Variants in ADAMTS12 observed in about 807,000 individuals in gnomAD.
ADAMTS12 encodes A disintegrin and metalloproteinase with thrombospondin motifs 12.
A neutral mutation model predicts 167.8 loss-of-function variants in ADAMTS12; 118 were observed. The observed-to-expected ratio is 0.70, with a 90% CI of 0.61 to 0.82. The LOEUF is 0.82. ADAMTS12 is among the 40% of genes least tolerant of loss of function. The probability of loss-of-function intolerance (pLI) is 0.00; values close to 1 mark genes in which losing one functional copy is unlikely to be tolerated. For missense variants in ADAMTS12, 1,916 were observed against 1,998.8 expected, an observed-to-expected ratio of 0.96 and a Z score of 0.79; for synonymous variants, 704 against 716.9, an observed-to-expected ratio of 0.98 and a Z score of 0.29.
intron 5 of ADAMTS12, among the ~76,000 whole-genome samples, chr5:33,679,547 A>G (rs1402024954): frequency 6.6e-6 from 1 of 152,168 alleles, no homozygotes; most frequent in East Asian, 1.9e-4. Context: ...CATGGGGGAA[A>G]CCACCTCCAT....
chr5:33,546,264 G>A, intron 21 of ADAMTS12, 62 bp from the exon 22 acceptor site: 2 of 1,487,498 alleles, frequency 1.3e-6, no homozygotes, highest in Non-Finnish European at 1.8e-6. Flanking sequence ...AATGATAAGT[G>A]AAGAACTTCG....
chr5:33,767,272 T>C (rs1745568694), intron 2 of ADAMTS12, among the ~76,000 whole-genome samples: 1 of 152,216 alleles, frequency 6.6e-6, no homozygotes, highest in Admixed American at 6.5e-5. Flanking sequence ...TCCTGAATGG[T>C]TGGATAACGG....
intron 8 of ADAMTS12, 89 bp downstream of exon 8, chr5:33,649,465 T>A: frequency 6.7e-7 from 1 of 1,492,634 alleles, no homozygotes; most frequent in Non-Finnish European, 9.1e-7. Context: ...TCCAGCCTTT[T>A]CCAGGCATCA....
chr5:33,882,849 C>T (rs1212717514), intron 1 of ADAMTS12, among the ~76,000 whole-genome samples: 2 of 152,120 alleles, frequency 1.3e-5, no homozygotes, highest in African/African-American at 4.8e-5. Flanking sequence ...CCTTGGCCTC[C>T]CAAAACTATT....
At chr5:33,720,284 T>TCACACTCACACACACA (rs1554037784) in intron 3 of ADAMTS12, among the ~76,000 whole-genome samples, 1 of 147,802 alleles carries the variant, frequency 6.8e-6, no homozygotes, top group African/African-American at 2.5e-5. Flanking sequence ...TCTCTCTCAC[T>TCACACTCACACACACA]CACACACACA....
chr5:33,686,116 C>G (rs1473978698), intron 3 of ADAMTS12, among the ~76,000 whole-genome samples: 1 of 152,198 alleles, frequency 6.6e-6, no homozygotes, highest in Non-Finnish European at 1.5e-5. Flanking sequence ...CAGGAGGCTG[C>G]TCCATGCCGC....
chr5:33,673,415 T>C (rs766826619), intron 5 of ADAMTS12, among the ~76,000 whole-genome samples: 13 of 152,180 alleles, frequency 8.5e-5, no homozygotes, highest in African/African-American at 3.1e-4. Flanking sequence ...CGATTCCTTC[T>C]GTGCCTTCTG....
chr5:33,857,089 G>C (rs535707033), intron 2 of ADAMTS12, among the ~76,000 whole-genome samples: 1 of 152,162 alleles, frequency 6.6e-6, no homozygotes, highest in Admixed American at 6.5e-5. Context: ...CCTTTAAAAC[G>C]AAAGAAAACC....
At position 33,637,476 on chromosome 5, in the gene ADAMTS12, T is replaced by G. The variant is rs1322948015; in HGVS notation, c.1888+101A>C. 6 of 1,247,726 alleles carry G rather than the reference T, an allele frequency of 4.8e-6. No individual in the cohort carries two copies. The South Asian group carries it at 1.1e-4, about 22-fold the overall frequency. 77.3% of individuals were successfully genotyped at this position (1,247,726 alleles called of 1,614,324 possible). A position where few individuals can be genotyped will look rare whatever the true frequency, so the allele number is the denominator to read the frequency against. On this transcript the variant is annotated intron_variant, in intron 12 of 23. Transcript: ENST00000504830. ...ACAAAATTCCTGGTGTACAATTGTC[T>G]TTGTTAAGCTTTGTGTGGATCACAG...
intron 3 of ADAMTS12, among the ~76,000 whole-genome samples, chr5:33,713,589 G>C (rs563436644): frequency 6.6e-6 from 1 of 152,046 alleles, no homozygotes; most frequent in South Asian, 2.1e-4. Flanking sequence ...AACTAATGTG[G>C]GTTCCAAATA....
intron 2 of ADAMTS12, among the ~76,000 whole-genome samples, chr5:33,828,938 A>G (rs1442275839): frequency 6.6e-6 from 1 of 152,078 alleles, no homozygotes; most frequent in Non-Finnish European, 1.5e-5. Context: ...TTCCTATTGA[A>G]AACTGGAATC....
At chr5:33,873,462 A>G (rs1464544790) in intron 2 of ADAMTS12, among the ~76,000 whole-genome samples, 1 of 152,206 alleles carries the variant, frequency 6.6e-6, no homozygotes. Flanking sequence ...GGATAGGAAG[A>G]TTCAATGTTA....
chr5:33,829,371 T>C (rs1007512527), intron 2 of ADAMTS12, among the ~76,000 whole-genome samples: 4 of 152,172 alleles, frequency 2.6e-5, no homozygotes, highest in African/African-American at 9.7e-5. Context: ...TGTGCTTGGA[T>C]TTAATTCTTA....
intron 18 of ADAMTS12, among the ~76,000 whole-genome samples, chr5:33,579,932 C>T (rs1399597983): frequency 6.6e-6 from 1 of 152,188 alleles, no homozygotes; most frequent in Non-Finnish European, 1.5e-5. Context: ...ATTGTCTCAA[C>T]AGGGAGGTGT....
At chr5:33,568,121 C>G (rs984850458) in intron 19 of ADAMTS12, among the ~76,000 whole-genome samples, 1 of 152,104 alleles carries the variant, frequency 6.6e-6, no homozygotes, top group African/African-American at 2.4e-5. Context: ...AGGAAAGAAA[C>G]TGATTAGGAA....
At chr5:33,645,461 G>C (rs1255736984) in intron 9 of ADAMTS12, among the ~76,000 whole-genome samples, 1 of 152,086 alleles carries the variant, frequency 6.6e-6, no homozygotes, top group Non-Finnish European at 1.5e-5. Context: ...CCTGGCCCTG[G>C]TCAAGGAGAA....
intron 19 of ADAMTS12, among the ~76,000 whole-genome samples, chr5:33,572,502 T>C (rs1483891485): frequency 6.7e-6 from 1 of 150,322 alleles, no homozygotes; most frequent in East Asian, 1.9e-4. Flanking sequence ...AAAAACCACA[T>C]GACTATCTCA....
intron 23 of ADAMTS12, 38 bp downstream of exon 23, chr5:33,534,795 A>G (rs1387214513): frequency 6.3e-7 from 1 of 1,580,986 alleles, no homozygotes. Flanking sequence ...ACATTTGTGC[A>G]AAGATCTCTT....
chr5:33,646,899 T>A lies in ADAMTS12; in HGVS notation c.1479+1923A>T, dbSNP rs112757881. ...AAATACCATGAAAGTGAGAGAAAATTCAGAAAAATAACCAAATAGACTTTT... is the reference window on the plus strand; with the variant it reads ...AAATACCATGAAAGTGAGAGAAAATACAGAAAAATAACCAAATAGACTTTT... On this transcript the variant is annotated intron_variant, in intron 9 of 23. Transcript: ENST00000504830. 3.4e-3 allele frequency among the ~76,000 whole-genome samples: 514 copies of A among 152,014 alleles called. 1 individual carries two copies. Among genetic ancestry groups the A allele is most frequent in the African/African-American group, 0.011 (439 of 41,478 alleles).
Sources: gnomAD v4.1 joint callset for allele counts (sites outside exome capture counted in the v4.1 genomes callset) on GRCh38, gnomAD v4.1.1 for gene constraint, MANE v1.5 for transcripts, NCBI Gene and HGNC (gene_info 2026-07-23, HGNC 2026-07-21) for gene names.